AP2A1: variants seen among roughly 807,000 people sequenced by gnomAD.
AP2A1 encodes the protein AP-2 complex subunit alpha-1.
Under a neutral mutation model 107.3 loss-of-function variants are expected in AP2A1, and 21 were observed. The ratio of observed to expected loss-of-function variants is 0.20; its 90% CI spans 0.14 to 0.28. The LOEUF (loss-of-function observed/expected upper bound fraction) is 0.28. Ranked by LOEUF, AP2A1 falls within the 10% of genes least tolerant of loss-of-function variation. The pLI is 1.00. For missense variants in AP2A1, 873 were observed against 1,307.7 expected, an observed-to-expected ratio of 0.67 and a Z score of 5.13; for synonymous variants, 602 against 564.8, an observed-to-expected ratio of 1.07 and a Z score of -0.93.
rs1324062033 is a variant in AP2A1, at chr19:49,801,611, C to T, written c.1775C>T (p.Thr592Ile). The T allele has an allele frequency of 6.2e-7, 1 of 1,611,898 alleles. No individual in the cohort carries two copies. The highest frequency in any genetic ancestry group is 2.2e-5 in the East Asian group (1 of 44,810). ...EYLTLSSVAS[T>I]DVLATVLEEM... is the part of the protein sequence containing the mutation. The stretch of plus-strand genomic sequence containing the variant: ...CTCACCCTCAGCTCAGTGGCCAGCA[C>T]CGACGTCCTGGTCAGAGCCCTGTCC... Residue 592 changes from threonine (T) to isoleucine (I), a missense_variant, in exon 13 of 23, where the codon ACC (threonine) becomes ATC (isoleucine). Physicochemically the swap from Thr to Ile is moderately conservative, Grantham distance 89. Around this residue, in one of 4 missense-constraint regions of AP2A1, gnomAD observed 213 missense variants for 443.5 expected, o/e 0.48. Transcript: ENST00000354293.
Position 49,806,159 on chromosome 19 carries a change from C to A in AP2A1, c.2696C>A (p.Pro899His). The A allele has an allele frequency of 6.3e-7, 1 of 1,577,656 alleles. No homozygotes were observed. Among genetic ancestry groups the A allele is most frequent in the East Asian group, 2.3e-5 (1 of 42,688 alleles). ...TCTGCTCTCCTGGACAATGTGGACC[C>A]CAACCCTGAGAACTTCGTGGGGGCG... ...FGSALLDNVD[P>H]NPENFVGAGI... The change falls in exon 22 of 23, where the codon CCC (proline) becomes CAC (histidine). Residue 899 changes from proline to histidine, a missense_variant. Pro to His is a moderately conservative substitution (Grantham distance 77, BLOSUM62 -2). Around this residue, in one of 4 missense-constraint regions of AP2A1, gnomAD observed 416 missense variants for 473.4 expected, o/e 0.88. Transcript: ENST00000354293.
Position 49,772,881 on chromosome 19 carries a change from A to G in AP2A1, c.67+5681A>G, listed in dbSNP as rs562905764. 3.6e-3 allele frequency among the ~76,000 whole-genome samples: 550 copies of G among 151,816 alleles called. 3 individuals carry two copies. The highest frequency in any genetic ancestry group is 0.012 in the African/African-American group (488 of 41,466). On this transcript the variant is annotated intron_variant, in intron 1 of 22. Coordinates refer to ENST00000354293, the MANE Select transcript of AP2A1 (RefSeq NM_130787.3). ...AAAGGGCTGTGTGGCTGGTGCAGAG[A>G]GGGATGGGATCTGACGCTGGGGAGT...
intron 1 of AP2A1, among the ~76,000 whole-genome samples, chr19:49,776,147 C>T (rs895074865): frequency 2.0e-5 from 3 of 152,086 alleles, no homozygotes; most frequent in African/African-American, 7.2e-5. Flanking sequence ...TCAGAAAACT[C>T]TGGAGAGGCT....
intron 1 of AP2A1, 107 bp from the exon 2 acceptor site, chr19:49,781,650 C>T (rs570580214): frequency 2.7e-5 from 31 of 1,161,418 alleles, no homozygotes; most frequent in Admixed American, 6.3e-5. Flanking sequence ...GGCTTGGGGG[C>T]GGAGAAGATC....
chr19:49,767,859 G>C (rs2123651613), intron 1 of AP2A1, among the ~76,000 whole-genome samples: 2 of 152,028 alleles, frequency 1.3e-5, no homozygotes, highest in Middle Eastern at 3.4e-3. Flanking sequence ...TTGCCTAGAA[G>C]ACATGGAAGG....
At chr19:49,805,181 G>A (rs2073347562) in intron 18 of AP2A1, 1 of 408,738 alleles carries the variant, frequency 2.4e-6, no homozygotes, top group African/African-American at 2.0e-5. Context: ...TAAGAGCTGG[G>A]ATTCAAACCC....
chr19:49,771,603 T>TA (rs2084558756), intron 1 of AP2A1, among the ~76,000 whole-genome samples: 2 of 152,036 alleles, frequency 1.3e-5, no homozygotes, highest in South Asian at 4.2e-4. Flanking sequence ...GAGACAGGGT[T>TA]TCACCATGTT....
At chr19:49,774,564 T>G (rs1344738679) in intron 1 of AP2A1, among the ~76,000 whole-genome samples, 13 of 152,286 alleles carry the variant, frequency 8.5e-5, no homozygotes, top group Admixed American at 3.9e-4. Flanking sequence ...TTTTTTCTTT[T>G]TTTGAGACGG....
Position 49,801,853 on chromosome 19 carries a change from C to T in AP2A1, c.1917C>T (p.Asp639=). 6.6e-7 allele frequency: 1 copy of T among 1,508,114 alleles called. No homozygotes were observed. Among genetic ancestry groups the T allele is most frequent in the South Asian group, 1.3e-5 (1 of 75,130 alleles). 93.4% of individuals were successfully genotyped at this position (1,508,114 alleles called of 1,614,324 possible). ...GCCGGAGGGACCCCAGCAGCAACGACATCAACGGGGGCATGGAGCCCACCC... is the reference window on the plus strand; with the variant it reads ...GCCGGAGGGACCCCAGCAGCAACGATATCAACGGGGGCATGGAGCCCACCC... ...DDGRRDPSSN[D]INGGMEPTPS... is the part of the protein sequence containing the mutation. The change falls in exon 14 of 23, where the codon GAC becomes GAT. Residue 639 remains aspartate (D), a synonymous_variant. Transcript: ENST00000354293.
intron 4 of AP2A1, among the ~76,000 whole-genome samples, chr19:49,783,869 G>A (rs1205651770): frequency 6.6e-6 from 1 of 152,196 alleles, no homozygotes; most frequent in Non-Finnish European, 1.5e-5. Context: ...ACGTTGGCAC[G>A]GAGCAGCCCT....
intron 4 of AP2A1, among the ~76,000 whole-genome samples, chr19:49,789,702 G>T (rs1354017597): frequency 6.6e-6 from 1 of 150,604 alleles, no homozygotes; most frequent in Admixed American, 6.7e-5. Flanking sequence ...CCAAAGTGTT[G>T]GGATTACAGG....
chr19:49,806,667 A>AT lies in AP2A1; in HGVS notation c.2791-13dup, dbSNP rs772260709. On this transcript the variant is annotated splice_polypyrimidine_tract_variant and intron_variant, in intron 22 of 22. Transcript: ENST00000354293. ...CCATCTCCTCTGAGTTCTGCCCCCA[A>AT]TGCCCCCACCCAGATGTACCGGCTG... The AT allele has an allele frequency of 4.3e-6, 7 of 1,611,692 alleles. No homozygotes were observed. In the African/African-American group the frequency reaches 8.0e-5, roughly 19 times the overall value.
intron 1 of AP2A1, among the ~76,000 whole-genome samples, chr19:49,775,161 G>A (rs746822060): frequency 5.2e-4 from 79 of 152,228 alleles, no homozygotes; most frequent in Admixed American, 1.1e-3. Flanking sequence ...CCAGGAGGTC[G>A]AGGTTGCAAT....
At position 49,785,635 on chromosome 19, in the gene AP2A1, G is replaced by T. The variant is rs2084727913; in HGVS notation, c.473+2911G>T. On this transcript the variant is annotated intron_variant, in intron 4 of 22. Coordinates refer to ENST00000354293, the MANE Select transcript of AP2A1 (RefSeq NM_130787.3). This position sits in a 1 kb window ranked among gnomAD's most constrained non-coding sequence, Gnocchi z 4.1. ...CAATAAAAATATAATGCAAAATACA[G>T]GCCAGGCACAGCAGCTCACACCCGT... is the stretch of plus-strand genomic sequence containing the variant. Among the ~76,000 whole-genome samples, 1 of 152,050 alleles carries T rather than the reference G, an allele frequency of 6.6e-6. No homozygotes were observed. Among genetic ancestry groups the T allele is most frequent in the Admixed American group, 6.6e-5 (1 of 15,236 alleles).
Position 49,800,033 on chromosome 19 carries a change from C to A in AP2A1, c.1338C>A (p.Ile446=), listed in dbSNP as rs752485707. The A allele has an allele frequency of 6.8e-6, 11 of 1,613,932 alleles. No individual in the cohort carries two copies. In the East Asian group the frequency reaches 2.4e-4, roughly 36 times the overall value. ...AVDYSWYVDT[I]LNLIRIAGDY... ...ACTACAGCTGGTACGTGGACACCAT[C>A]CTCAACCTCATCCGCATTGCGGGCG... The change falls in exon 11 of 23, where the codon ATC becomes ATA. Residue 446 remains isoleucine (I), a synonymous_variant. Coordinates refer to ENST00000354293, the MANE Select transcript of AP2A1 (RefSeq NM_130787.3).
At chr19:49,769,777 G>A (rs2084538647) in intron 1 of AP2A1, among the ~76,000 whole-genome samples, 1 of 152,182 alleles carries the variant, frequency 6.6e-6, no homozygotes, top group African/African-American at 2.4e-5. Flanking sequence ...AGGTAGCCAT[G>A]GAAGCAGGGA....
At chr19:49,803,523 A>C (rs2123760635) in intron 18 of AP2A1, 147 bp downstream of exon 18, 1 of 685,172 alleles carries the variant, frequency 1.5e-6, no homozygotes, top group East Asian at 2.7e-5. Flanking sequence ...TGCATCTGTT[A>C]AGATGGGGGT....
chr19:49,777,512 G>A (rs980159545), intron 1 of AP2A1, among the ~76,000 whole-genome samples: 1 of 151,428 alleles, frequency 6.6e-6, no homozygotes, highest in African/African-American at 2.4e-5. Context: ...GCGGGCGCCT[G>A]TAGCCCCAGC....
At position 49,785,639 on chromosome 19, in the gene AP2A1, A is replaced by C. The variant is rs903596889; in HGVS notation, c.473+2915A>C. Among the ~76,000 whole-genome samples the C allele has an allele frequency of 6.6e-6, 1 of 152,066 alleles. No individual in the cohort carries two copies. Among genetic ancestry groups the C allele is most frequent in the African/African-American group, 2.4e-5 (1 of 41,414 alleles). The stretch of plus-strand genomic sequence containing the variant: ...AAAAATATAATGCAAAATACAGGCC[A>C]GGCACAGCAGCTCACACCCGTAATC... On this transcript the variant is annotated intron_variant, in intron 4 of 22. Coordinates refer to ENST00000354293, the MANE Select transcript of AP2A1 (RefSeq NM_130787.3). The surrounding 1 kb of genome is among the most constrained non-coding windows in gnomAD (Gnocchi z 4.1).
Sources: allele counts gnomAD v4.1 joint callset (sites outside exome capture counted in the v4.1 genomes callset), GRCh38; gene constraint gnomAD v4.1.1; regional missense constraint gnomAD v4.1.1; non-coding constraint Gnocchi (gnomAD v3.1); transcripts MANE v1.5; gene names NCBI Gene and HGNC (gene_info 2026-07-23, HGNC 2026-07-21).